The following UBE2E2 variants were observed in gnomAD, a reference collection of about 807,000 sequenced individuals.
UBE2E2 encodes the protein ubiquitin-conjugating enzyme E2 E2.
In UBE2E2, 6 loss-of-function variants were observed where a neutral mutation model predicts 24.7. The ratio of observed to expected loss-of-function variants is 0.24; its 90% CI spans 0.13 to 0.48. The LOEUF is 0.48. Among genes scored for constraint, UBE2E2 ranks in the 20% least tolerant of loss-of-function variants. The pLI, the probability that UBE2E2 is intolerant of heterozygous loss-of-function variation, is 0.99. For synonymous variants in UBE2E2, 104 were observed against 83.6 expected (o/e 1.24, Z -1.33); for missense variants, 169 against 245.0 (o/e 0.69, Z 2.07).
intron 3 of UBE2E2, among the ~76,000 whole-genome samples, chr3:23,365,321 C>CA (rs1696224896): frequency 2.0e-5 from 3 of 152,154 alleles, no homozygotes; most frequent in African/African-American, 7.2e-5. Context: ...GAGAGGAAGT[C>CA]AAACTATTTC....
At chr3:23,360,003 C>T (rs1696067722) in intron 3 of UBE2E2, among the ~76,000 whole-genome samples, 1 of 152,100 alleles carries the variant, frequency 6.6e-6, no homozygotes, top group Non-Finnish European at 1.5e-5. Flanking sequence ...TAGGACTCTC[C>T]CCAGTGTTCA....
intron 3 of UBE2E2, among the ~76,000 whole-genome samples, chr3:23,460,912 G>C (rs1421551842): frequency 2.0e-5 from 3 of 152,148 alleles, no homozygotes; most frequent in Non-Finnish European, 4.4e-5. Context: ...TTTAGGTTCT[G>C]AGAATCCTTA....
chr3:23,497,399 TGGCATTTTA>T (rs1344411034), intron 3 of UBE2E2, among the ~76,000 whole-genome samples: 1 of 152,268 alleles, frequency 6.6e-6, no homozygotes, highest in East Asian at 1.9e-4. Context: ...TTTTGTCACG[TGGCATTTTA>T]GGCATTTTAA....
chr3:23,220,944 CA>C (rs1696618314), intron 3 of UBE2E2, among the ~76,000 whole-genome samples: 1 of 152,152 alleles, frequency 6.6e-6, no homozygotes, highest in Admixed American at 6.6e-5. Context: ...AGCAAATCTC[CA>C]GATAAAAATT....
chr3:23,422,833 T>C (rs1407039360), intron 3 of UBE2E2, among the ~76,000 whole-genome samples: 1 of 152,034 alleles, frequency 6.6e-6, no homozygotes, highest in African/African-American at 2.4e-5. Context: ...TTGTCAAAAG[T>C]GTCTAGGGAA....
chr3:23,465,406 A>G (rs1220671603), intron 3 of UBE2E2, among the ~76,000 whole-genome samples: 1 of 152,210 alleles, frequency 6.6e-6, no homozygotes, highest in Non-Finnish European at 1.5e-5. Context: ...ATAACTTCTA[A>G]AAGACCTATT....
chr3:23,308,973 A>G lies in UBE2E2; in HGVS notation c.227+91661A>G, dbSNP rs528541535. Among the ~76,000 whole-genome samples the G allele has an allele frequency of 2.8e-4, 42 of 152,358 alleles. 1 individual carries two copies. The South Asian group carries it at 7.2e-3, about 26-fold the overall frequency. ...TGATGTCCAAGCACAGGTGGAGGAA[A>G]AGATGTACTGTTCCAGAAGAGAGAG... On this transcript the variant is annotated intron_variant, in intron 3 of 5. Transcript: ENST00000396703.
Position 23,216,026 on chromosome 3 carries a change from T to C in UBE2E2, c.177-1236T>C, listed in dbSNP as rs116316474. Among the ~76,000 whole-genome samples, 1,267 of 152,284 alleles carry C rather than the reference T, an allele frequency of 8.3e-3. 13 individuals carry two copies. Among genetic ancestry groups the C allele is most frequent in the African/African-American group, 0.029 (1,206 of 41,566 alleles). On this transcript the variant is annotated intron_variant, in intron 2 of 5. Transcript: ENST00000396703. ...AAGAGATCACGGAGTTTGTTCTAGT[T>C]AACTTCTATTTTACAGGACGGAAAA...
chr3:23,464,800 C>T (rs1487910764), intron 3 of UBE2E2, among the ~76,000 whole-genome samples: 1 of 152,178 alleles, frequency 6.6e-6, no homozygotes, highest in Non-Finnish European at 1.5e-5. Flanking sequence ...GTACTGCTTA[C>T]TTCTTAGTGT....
At chr3:23,300,027 AC>A (rs1336349015) in intron 3 of UBE2E2, among the ~76,000 whole-genome samples, 23 of 151,504 alleles carry the variant, frequency 1.5e-4, no homozygotes, top group African/African-American at 5.3e-4. Flanking sequence ...TGATCCCTTT[AC>A]CATTATGTAA....
chr3:23,436,803 T>A (rs1046628747), intron 3 of UBE2E2, among the ~76,000 whole-genome samples: 1 of 152,222 alleles, frequency 6.6e-6, no homozygotes, highest in African/African-American at 2.4e-5. Context: ...TGTCTCTCCA[T>A]TTGTATCTCC....
chr3:23,446,044 C>T (rs1047905788), intron 3 of UBE2E2, among the ~76,000 whole-genome samples: 4 of 152,224 alleles, frequency 2.6e-5, no homozygotes, highest in Non-Finnish European at 2.9e-5. Flanking sequence ...AGGTCTTGTA[C>T]CATGAGATCC....
chr3:23,367,283 T>C (rs973516316), intron 3 of UBE2E2, among the ~76,000 whole-genome samples: 3 of 152,192 alleles, frequency 2.0e-5, no homozygotes, highest in African/African-American at 7.2e-5. Context: ...TGAAGTGATG[T>C]CTTTTTGTTT....
intron 3 of UBE2E2, among the ~76,000 whole-genome samples, chr3:23,250,890 C>G (rs1040260333): frequency 6.6e-6 from 1 of 152,166 alleles, no homozygotes; most frequent in Admixed American, 6.5e-5. Flanking sequence ...CAGAGTCGCA[C>G]TCTGTCGCCC....
rs9875521 is a variant in UBE2E2, at chr3:23,224,793, T to C, written c.227+7481T>C. Among the ~76,000 whole-genome samples, 209 of 152,316 alleles carry C rather than the reference T, an allele frequency of 1.4e-3. 1 individual carries two copies. The highest frequency in any genetic ancestry group is 0.01 in the Middle Eastern group (3 of 294). ...ACTTTTTTGCTACTATGAATAATGC[T>C]GTTATGAACATTTATGTACAGGTTT... On this transcript the variant is annotated intron_variant, in intron 3 of 5. Coordinates refer to ENST00000396703, the MANE Select transcript of UBE2E2 (RefSeq NM_152653.4).
chr3:23,203,339 C>G lies in UBE2E2; in HGVS notation c.-134C>G. 1 of 986,626 alleles carries G rather than the reference C, an allele frequency of 1.0e-6. No homozygotes were observed. Among genetic ancestry groups the G allele is most frequent in the Non-Finnish European group, 1.2e-6 (1 of 830,566 alleles). The allele number at this position is 986,626 out of a possible 1,614,324, so 61.1% of individuals were successfully genotyped here. Reference sequence around the variant, plus strand: ...GGTGCGTGGGTCCGGCTTTCGGTGACTAGACGGTCCGCAGGGGACATCCCG... The same window carrying G: ...GGTGCGTGGGTCCGGCTTTCGGTGAGTAGACGGTCCGCAGGGGACATCCCG... On this transcript the variant is annotated 5_prime_UTR_variant, in exon 1 of 6. Transcript: ENST00000396703.
intron 3 of UBE2E2, among the ~76,000 whole-genome samples, chr3:23,452,227 G>A (rs964780115): frequency 6.6e-6 from 1 of 152,140 alleles, no homozygotes; most frequent in African/African-American, 2.4e-5. Context: ...TCAACAGCAC[G>A]ATATATCTAG....
chr3:23,480,810 G>A (rs1354109690), intron 3 of UBE2E2, among the ~76,000 whole-genome samples: 3 of 152,170 alleles, frequency 2.0e-5, no homozygotes, highest in Admixed American at 6.5e-5. Flanking sequence ...AGAGGAAAGG[G>A]CCTTATATGT....
chr3:23,215,155 A>G lies in UBE2E2; in HGVS notation c.177-2107A>G, dbSNP rs138937733. On this transcript the variant is annotated intron_variant, in intron 2 of 5. Transcript: ENST00000396703. ...ACATGTTTTTTATTCTCTACTTTGT[A>G]AATTGGGGATAATATCTTCTCCATC... Among the ~76,000 whole-genome samples, 773 of 152,216 alleles carry G rather than the reference A, an allele frequency of 5.1e-3. 6 individuals are homozygous for G. The highest frequency in any genetic ancestry group is 0.018 in the African/African-American group (738 of 41,540).
Sources: gnomAD v4.1 joint callset for allele counts (sites outside exome capture counted in the v4.1 genomes callset) on GRCh38, gnomAD v4.1.1 for gene constraint, MANE v1.5 for transcripts, NCBI Gene and HGNC (gene_info 2026-07-23, HGNC 2026-07-21) for gene names.